The following CELF2 variants were observed in gnomAD, a reference collection of about 807,000 sequenced individuals.
The protein encoded by CELF2 is CUG triplet repeat RNA-binding protein 2.
In CELF2, 8 loss-of-function variants were observed where a neutral mutation model predicts 62.6. That is an observed-to-expected ratio of 0.13 (90% CI 0.07 to 0.23). CELF2 has a LOEUF of 0.23. Among genes scored for constraint, CELF2 ranks in the 10% least tolerant of loss-of-function variants. The pLI, the probability that CELF2 is intolerant of heterozygous loss-of-function variation, is 1.00. For synonymous variants in CELF2, 258 were observed against 250.0 expected, an observed-to-expected ratio of 1.03 and a Z score of -0.30; for missense variants, 333 against 671.0, an observed-to-expected ratio of 0.50 and a Z score of 5.56.
the CELF2 span, among the ~76,000 whole-genome samples, chr10:10,635,143 T>A: frequency 3.3e-5 from 5 of 152,192 alleles, no homozygotes; most frequent in South Asian, 1.0e-3. Flanking sequence ...CAGGGACAGA[T>A]AATTCTACTG....
At chr10:10,837,310 C>T (rs1475283339) in intron 1 of CELF2, among the ~76,000 whole-genome samples, 2 of 152,180 alleles carry the variant, frequency 1.3e-5, no homozygotes, top group African/African-American at 4.8e-5. Flanking sequence ...CATTTTCTGT[C>T]TTGCCTGTTG....
In CELF2 at chr10:11,159,045, C is replaced by A. The variant is rs2065120592; in HGVS notation, c.75-6441C>A. Among the ~76,000 whole-genome samples, 1 of 152,172 alleles carries A rather than the reference C, an allele frequency of 6.6e-6. No homozygotes were observed. Among genetic ancestry groups the A allele is most frequent in the South Asian group, 2.1e-4 (1 of 4,828 alleles). ...TTGACCATTTAGAGAAGGGCTTTGACTTTGTAATGTTTAGGGTATTTGCTC... is the reference window on the plus strand; with the variant it reads ...TTGACCATTTAGAGAAGGGCTTTGAATTTGTAATGTTTAGGGTATTTGCTC... On this transcript the variant is annotated intron_variant, in intron 1 of 12. Coordinates refer to ENST00000633077, the MANE Select transcript of CELF2 (RefSeq NM_001326342.2). This position sits in a 1 kb window ranked among gnomAD's most constrained non-coding sequence, Gnocchi z 5.0.
At chr10:10,711,600 G>C in the CELF2 span, among the ~76,000 whole-genome samples, 1 of 152,198 alleles carries the variant, frequency 6.6e-6, no homozygotes, top group Non-Finnish European at 1.5e-5. Context: ...AGAGGCAGGG[G>C]TGCAGGCACG....
rs1566032133 is a variant in CELF2, at chr10:11,329,254, G to A, written c.*201G>A. Reference sequence around the variant, plus strand: ...CCATAATTAAAACTTGGGCTACTTTGTTTCTATTGAGTAATTCCTCCTCCA... The same window carrying A: ...CCATAATTAAAACTTGGGCTACTTTATTTCTATTGAGTAATTCCTCCTCCA... On this transcript the variant is annotated 3_prime_UTR_variant, in exon 13 of 13. Coordinates refer to ENST00000633077, the MANE Select transcript of CELF2 (RefSeq NM_001326342.2). The surrounding 1 kb of genome is among the most constrained non-coding windows in gnomAD (Gnocchi z 5.5). 2.5e-6 allele frequency: 1 copy of A among 400,988 alleles called. No homozygotes were observed. The highest frequency in any genetic ancestry group is 2.1e-5 in the African/African-American group (1 of 48,572). The allele number at this position is 400,988 out of a possible 1,614,324, so 24.8% of individuals were successfully genotyped here. A position where few individuals can be genotyped will look rare whatever the true frequency, so the allele number is the denominator to read the frequency against.
At chr10:10,828,699 T>C (rs1564681428) in intron 1 of CELF2, among the ~76,000 whole-genome samples, 1 of 77,652 alleles carries the variant, frequency 1.3e-5, no homozygotes, top group Non-Finnish European at 2.7e-5. Flanking sequence ...TAAAATGGAT[T>C]TGGTCACTCA....
chr10:11,330,113 G>GTATCTGTCTGATTATTTTGTT lies in CELF2; in HGVS notation c.*1062_*1082dup, dbSNP rs1555138455. 2.6e-5 allele frequency: 4 copies of GTATCTGTCTGATTATTTTGTT among 152,554 alleles called. No individual in the cohort carries two copies. Among genetic ancestry groups the GTATCTGTCTGATTATTTTGTT allele is most frequent in the Non-Finnish European group, 5.9e-5 (4 of 68,014 alleles). The allele number at this position is 152,554 out of a possible 1,614,324, so 9.5% of individuals were successfully genotyped here. The stretch of plus-strand genomic sequence containing the variant: ...TTCATGCTTTATCCTCTCGTTGTTT[G>GTATCTGTCTGATTATTTTGTT]TATCTGTCTGATTATTTTGTTTGTA... On this transcript the variant is annotated 3_prime_UTR_variant, in exon 13 of 13. Transcript: ENST00000633077. The surrounding 1 kb of genome is among the most constrained non-coding windows in gnomAD (Gnocchi z 4.5).
At chr10:10,941,991 CAAAAAA>C (rs3029016) in intron 2 of CELF2, among the ~76,000 whole-genome samples, 1 of 113,284 alleles carries the variant, frequency 8.8e-6, no homozygotes, top group African/African-American at 3.3e-5. Context: ...GACTCTGTCT[CAAAAAA>C]AAAAAAAAAA....
the CELF2 span, among the ~76,000 whole-genome samples, chr10:10,535,723 AAAAC>A: frequency 1.3e-5 from 2 of 152,136 alleles, no homozygotes; most frequent in Non-Finnish European, 2.9e-5. Context: ...TTTGTCTCCA[AAAAC>A]AAACAAACAA....
intron 1 of CELF2, among the ~76,000 whole-genome samples, chr10:11,162,197 G>A (rs1260622335): frequency 4.0e-5 from 6 of 151,892 alleles, no homozygotes; most frequent in Admixed American, 3.3e-4. Context: ...ACCTATTGAG[G>A]CAGCGCCAGG....
chr10:10,855,565 C>A (rs1314649656), intron 1 of CELF2, among the ~76,000 whole-genome samples: 1 of 152,162 alleles, frequency 6.6e-6, no homozygotes, highest in Non-Finnish European at 1.5e-5. Context: ...GGCTTAGCTA[C>A]CAGACTTATT....
At chr10:10,591,645 T>C in the CELF2 span, among the ~76,000 whole-genome samples, 1 of 152,216 alleles carries the variant, frequency 6.6e-6, no homozygotes, top group African/African-American at 2.4e-5. Context: ...GGAGGTTTGA[T>C]CTGTTTCCCT....
chr10:10,464,709 G>C, the CELF2 span, among the ~76,000 whole-genome samples: 4 of 152,206 alleles, frequency 2.6e-5, no homozygotes, highest in African/African-American at 9.6e-5. Flanking sequence ...TAAAATTATG[G>C]GTTTCACTGT....
intron 2 of CELF2, among the ~76,000 whole-genome samples, chr10:11,167,905 A>C (rs1434993833): frequency 1.3e-5 from 2 of 152,210 alleles, no homozygotes; most frequent in African/African-American, 2.4e-5. Flanking sequence ...GTTAAGAAAC[A>C]TAGCCCCGTT....
rs556162211 is a variant in CELF2, at chr10:11,033,724, G to T, written c.74+15561G>T. ...AGTTATCTAATTCTCAGGGTTTCTT[G>T]TGAGCCCCTACAGTGGCAAATTGAT... On this transcript the variant is annotated intron_variant, in intron 1 of 12. Transcript: ENST00000633077. Among the ~76,000 whole-genome samples the T allele has an allele frequency of 3.3e-5, 5 of 152,330 alleles. No individual in the cohort carries two copies. The South Asian group carries it at 6.2e-4, about 19-fold the overall frequency.
intron 2 of CELF2, among the ~76,000 whole-genome samples, chr10:10,994,935 G>A (rs2053800701): frequency 6.6e-6 from 1 of 152,038 alleles, no homozygotes; most frequent in Non-Finnish European, 1.5e-5. Flanking sequence ...TTCCCTCCAT[G>A]TCCTACCCCA....
rs74338169 is a variant in CELF2, at chr10:11,010,771, C to T, written c.53+5331C>T. On this transcript the variant is annotated intron_variant, in intron 1 of 12. Transcript: ENST00000416382. This position sits in a 1 kb window ranked among gnomAD's most constrained non-coding sequence, Gnocchi z 4.1. ...TTCCACTGTAGACGTTGATTTGTGT[C>T]TCCTGGCTTTAACTAGCGAGGAAGT... 0.057 allele frequency: 8,716 copies of T among 152,294 alleles called. 272 individuals are homozygous for T. Among genetic ancestry groups the T allele is most frequent in the Middle Eastern group, 0.15 (45 of 296 alleles). 9.4% of individuals were successfully genotyped at this position (152,294 alleles called of 1,614,324 possible).
At chr10:10,868,279 G>A (rs2060509362) in intron 1 of CELF2, among the ~76,000 whole-genome samples, 1 of 152,222 alleles carries the variant, frequency 6.6e-6, no homozygotes, top group Non-Finnish European at 1.5e-5. Flanking sequence ...GCCTTGCCTG[G>A]ATCAGAGATG....
intron 1 of CELF2, among the ~76,000 whole-genome samples, chr10:10,873,092 T>C (rs2060858551): frequency 6.6e-6 from 1 of 152,232 alleles, no homozygotes; most frequent in Non-Finnish European, 1.5e-5. Context: ...ACATATATTG[T>C]ACCAAGCTGG....
chr10:10,597,595 T>C, the CELF2 span, among the ~76,000 whole-genome samples: 1 of 152,218 alleles, frequency 6.6e-6, no homozygotes, highest in Non-Finnish European at 1.5e-5. Context: ...ATAGTAATTA[T>C]AATTAACTTT....
Sources: gnomAD v4.1 joint callset for allele counts (sites outside exome capture counted in the v4.1 genomes callset) on GRCh38, gnomAD v4.1.1 for gene constraint, Gnocchi (gnomAD v3.1) non-coding constraint, MANE v1.5 for transcripts, NCBI Gene and HGNC (gene_info 2026-07-23, HGNC 2026-07-21) for gene names.